COL21A1: variants seen among roughly 807,000 people sequenced by gnomAD.
COL21A1 encodes the protein collagen alpha-1(XXI) chain.
A neutral mutation model predicts 137.9 loss-of-function variants in COL21A1; 149 were observed. The ratio of observed to expected loss-of-function variants is 1.08; its 90% CI spans 0.95 to 1.24. The LOEUF (loss-of-function observed/expected upper bound fraction) is 1.24. COL21A1 is among the 50% of genes most tolerant of loss of function. COL21A1 has a pLI of 0.00. For synonymous variants in COL21A1, 456 were observed against 391.5 expected (o/e 1.16, Z -1.95); for missense variants, 1,167 against 1,158.4 (o/e 1.01, Z -0.11).
rs34588622 is a variant in COL21A1 at position 56,388,562 on chromosome 6, T to A, written c.-39+5409A>T. ...GACAGTGCTTCTGGATTTGGGGAAC[T>A]CCCTGTCCTCTTCTGCCCCCAGTGC... is the stretch of plus-strand genomic sequence containing the variant. On this transcript the variant is annotated intron_variant, in intron 1 of 28. Transcript: ENST00000370819. Among the ~76,000 whole-genome samples, 1,415 of 152,342 alleles carry A rather than the reference T, an allele frequency of 9.3e-3. 24 individuals carry two copies. Among genetic ancestry groups the A allele is most frequent in the Admixed American group, 0.023 (347 of 15,306 alleles).
Position 56,060,808 on chromosome 6 carries a change from G to A in COL21A1, c.2353-13C>T, listed in dbSNP as rs2114031725. On this transcript the variant is annotated splice_polypyrimidine_tract_variant and intron_variant, in intron 26 of 29. Coordinates refer to ENST00000244728, the MANE Select transcript of COL21A1 (RefSeq NM_030820.4). Reference sequence around the variant, plus strand: ...AAAACTCTCTTCCCTGCATCAAAGTGTTAGGGGTTATAACATGCACATAAA... The same window carrying A: ...AAAACTCTCTTCCCTGCATCAAAGTATTAGGGGTTATAACATGCACATAAA... 6.2e-7 allele frequency: 1 copy of A among 1,602,786 alleles called. No individual in the cohort carries two copies. The highest frequency in any genetic ancestry group is 8.5e-7 in the Non-Finnish European group (1 of 1,176,942).
At chr6:56,341,634 T>C (rs1282220074) in intron 1 of COL21A1, among the ~76,000 whole-genome samples, 1 of 152,226 alleles carries the variant, frequency 6.6e-6, no homozygotes, top group African/African-American at 2.4e-5. Context: ...GAAACTACCT[T>C]GTATGCTATT....
chr6:56,324,169 AC>A (rs1194650783), intron 1 of COL21A1, among the ~76,000 whole-genome samples: 1 of 152,002 alleles, frequency 6.6e-6, no homozygotes, highest in Non-Finnish European at 1.5e-5. Flanking sequence ...GGTCTTCCCC[AC>A]CCCTGAGTCC....
intron 1 of COL21A1, among the ~76,000 whole-genome samples, chr6:56,305,831 G>T (rs1412755642): frequency 6.6e-6 from 1 of 151,388 alleles, no homozygotes; most frequent in African/African-American, 2.4e-5. Flanking sequence ...TCCTAGCCTC[G>T]ATGGTCTTTA....
intron 1 of COL21A1, among the ~76,000 whole-genome samples, chr6:56,266,223 T>C (rs1270576719): frequency 1.3e-5 from 2 of 152,140 alleles, no homozygotes; most frequent in Non-Finnish European, 1.5e-5. Context: ...ACTCTGGAGA[T>C]AAATCAGCTT....
At chr6:56,242,740 T>G (rs1782409317) in intron 1 of COL21A1, among the ~76,000 whole-genome samples, 1 of 152,092 alleles carries the variant, frequency 6.6e-6, no homozygotes, top group Non-Finnish European at 1.5e-5. Flanking sequence ...GGTGAAAAAA[T>G]TATCTTTTTC....
chr6:56,181,092 G>A (rs1777856670), intron 2 of COL21A1, among the ~76,000 whole-genome samples: 1 of 152,178 alleles, frequency 6.6e-6, no homozygotes, highest in African/African-American at 2.4e-5. Context: ...CAGTCAAGAA[G>A]TTCCAAAAAT....
Position 56,131,949 on chromosome 6 carries a change from T to C in COL21A1, c.1543-5800A>G, listed in dbSNP as rs139002994. 2.4e-4 allele frequency among the ~76,000 whole-genome samples: 37 copies of C among 152,072 alleles called. No individual in the cohort carries two copies. The East Asian group carries it at 7.0e-3, about 29-fold the overall frequency. On this transcript the variant is annotated intron_variant, in intron 12 of 29. Transcript: ENST00000244728. ...GACTACCAACAAATTTAGACAAATATAGAAATAAGGCTAAAAATAAAAGGA... is the reference window on the plus strand; with the variant it reads ...GACTACCAACAAATTTAGACAAATACAGAAATAAGGCTAAAAATAAAAGGA...
At position 56,280,886 on chromosome 6, in the gene COL21A1, C is replaced by T. The variant is rs550563957; in HGVS notation, c.-38-98230G>A. On this transcript the variant is annotated intron_variant, in intron 1 of 28. Coordinates refer to the COL21A1 transcript ENST00000370819. ...ACACACGCAAAATAGCTGGGTGTGG[C>T]GGCACATACTAGAGGGGCTGAGGTA... is the stretch of plus-strand genomic sequence containing the variant. Among the ~76,000 whole-genome samples, 65 of 152,106 alleles carry T rather than the reference C, an allele frequency of 4.3e-4. 1 individual carries two copies. In the South Asian group the frequency reaches 0.012, roughly 28 times the overall value.
chr6:56,127,651 T>C (rs966908235), intron 12 of COL21A1, among the ~76,000 whole-genome samples: 6 of 152,180 alleles, frequency 3.9e-5, no homozygotes, highest in Non-Finnish European at 5.9e-5. Flanking sequence ...AAATCAGACG[T>C]TTGAAGGCTC....
At chr6:56,224,050 C>T (rs1476577933) in intron 1 of COL21A1, among the ~76,000 whole-genome samples, 1 of 151,988 alleles carries the variant, frequency 6.6e-6, no homozygotes, top group Non-Finnish European at 1.5e-5. Context: ...CCAGTATAAA[C>T]ATTGGAGAGA....
chr6:56,191,016 C>G lies in COL21A1; in HGVS notation c.-38-8360G>C, dbSNP rs77761383. Among the ~76,000 whole-genome samples the G allele has an allele frequency of 2.0e-5, 3 of 152,244 alleles. No individual in the cohort carries two copies. The South Asian group carries it at 6.2e-4, about 32-fold the overall frequency. ...CAATATCATACTGAATAGGCAAAAA[C>G]TGGAAGCATTCCCTTTGAAAACCGT... On this transcript the variant is annotated intron_variant, in intron 1 of 29. Coordinates refer to ENST00000244728, the MANE Select transcript of COL21A1 (RefSeq NM_030820.4).
At chr6:56,219,587 A>G (rs1780703761) in intron 1 of COL21A1, among the ~76,000 whole-genome samples, 1 of 152,168 alleles carries the variant, frequency 6.6e-6, no homozygotes, top group Non-Finnish European at 1.5e-5. Context: ...ATAAATAAAC[A>G]TGATCTGGTT....
At chr6:56,167,728 C>T (rs1350832349) in intron 6 of COL21A1, among the ~76,000 whole-genome samples, 2 of 152,102 alleles carry the variant, frequency 1.3e-5, no homozygotes, top group Admixed American at 6.5e-5. Flanking sequence ...TTGTGAAGAA[C>T]CCTGACATGA....
chr6:56,341,203 A>AT (rs5876503), intron 1 of COL21A1, among the ~76,000 whole-genome samples: 28,111 of 152,176 alleles, frequency 0.18, 3,877 homozygotes, highest in East Asian at 0.65. Context: ...AAAGAAAAGA[A>AT]TATCGGTATA....
intron 1 of COL21A1, among the ~76,000 whole-genome samples, chr6:56,210,648 CA>C (rs1193985790): frequency 2.6e-5 from 4 of 152,106 alleles, no homozygotes; most frequent in Non-Finnish European, 5.9e-5. Flanking sequence ...TTCCTCCAAA[CA>C]AGATATAATA....
chr6:56,122,658 A>G (rs568907727), intron 16 of COL21A1, among the ~76,000 whole-genome samples: 1 of 152,368 alleles, frequency 6.6e-6, no homozygotes, highest in South Asian at 2.1e-4. Context: ...GCTAGAAAAC[A>G]GTGAACTGAT....
At chr6:56,239,305 G>T (rs903755294) in intron 1 of COL21A1, among the ~76,000 whole-genome samples, 1 of 152,036 alleles carries the variant, frequency 6.6e-6, no homozygotes, top group African/African-American at 2.4e-5. Flanking sequence ...TCTCTCACTT[G>T]TATAGGAATT....
At chr6:56,309,424 G>A (rs1353277034) in intron 1 of COL21A1, among the ~76,000 whole-genome samples, 2 of 152,200 alleles carry the variant, frequency 1.3e-5, no homozygotes, top group Non-Finnish European at 2.9e-5. Context: ...CGTGTAGAAT[G>A]TTCATGAGAG....
Sources: gnomAD v4.1 joint callset for allele counts (sites outside exome capture counted in the v4.1 genomes callset) on GRCh38, gnomAD v4.1.1 for gene constraint, MANE v1.5 for transcripts, NCBI Gene and HGNC (gene_info 2026-07-23, HGNC 2026-07-21) for gene names.